Variants in MICAL2 observed in about 807,000 individuals in gnomAD.
The protein encoded by MICAL2 is microtubule associated monooxygenase, calponin and LIM domain containing 2, also known as [F-actin]-monooxygenase MICAL2.
MICAL2 carries 77 observed loss-of-function variants against 127.3 expected under a neutral mutation model. The ratio of observed to expected loss-of-function variants is 0.60; its 90% CI spans 0.50 to 0.73. The LOEUF is 0.73. Among genes scored for constraint, MICAL2 ranks in the 30% least tolerant of loss-of-function variants. The probability of loss-of-function intolerance (pLI) is 0.00; values close to 1 mark genes in which losing one functional copy is unlikely to be tolerated. For synonymous variants in MICAL2, 570 were observed against 551.1 expected (o/e 1.03, Z -0.48); for missense variants, 1,351 against 1,434.4 (o/e 0.94, Z 0.94).
chr11:12,160,069 C>T (rs1311710774), intron 2 of MICAL2, among the ~76,000 whole-genome samples: 1 of 151,820 alleles, frequency 6.6e-6, no homozygotes, highest in African/African-American at 2.4e-5. Flanking sequence ...GAGTGCTAGT[C>T]TCCCTTCAAG....
At position 12,160,277 on chromosome 11, in the gene MICAL2, C is replaced by G. The variant is rs1395546854; in HGVS notation, c.-77-1802C>G. On this transcript the variant is annotated intron_variant, in intron 2 of 27. Coordinates refer to ENST00000683283, the MANE Select transcript of MICAL2 (RefSeq NM_001282663.2). ...TCCTTTGCATGTGCTGTTCTTCCCC[C>G]TTCTCTTCCGGCTCCTCTCATTGCT... 3.9e-5 allele frequency among the ~76,000 whole-genome samples: 6 copies of G among 152,302 alleles called. No homozygotes were observed. In the South Asian group the frequency reaches 8.3e-4, roughly 21 times the overall value.
intron 22 of MICAL2, among the ~76,000 whole-genome samples, chr11:12,249,584 A>T (rs1437479408): frequency 6.6e-6 from 1 of 152,212 alleles, no homozygotes; most frequent in Non-Finnish European, 1.5e-5. Flanking sequence ...CTCCTCAGTG[A>T]GGATGTCCTT....
upstream of MICAL2, among the ~76,000 whole-genome samples, chr11:12,273,361 G>GCCA (rs1191445143): frequency 6.6e-6 from 1 of 152,184 alleles, no homozygotes; most frequent in East Asian, 1.9e-4. Flanking sequence ...GACTAATGCT[G>GCCA]CCACCACCAC....
At chr11:12,132,688 C>A in intron 1 of MICAL2, among the ~76,000 whole-genome samples, 1 of 152,338 alleles carries the variant, frequency 6.6e-6, no homozygotes, top group South Asian at 2.1e-4. Flanking sequence ...GCTTCTTGAT[C>A]TTCCCTATTC....
At chr11:12,223,730 G>A (rs1006261213) in intron 12 of MICAL2, among the ~76,000 whole-genome samples, 1 of 152,206 alleles carries the variant, frequency 6.6e-6, no homozygotes, top group Non-Finnish European at 1.5e-5. Context: ...GCTAGTGTGT[G>A]TCGAGAGCTT....
intron 29 of MICAL2, among the ~76,000 whole-genome samples, chr11:12,302,789 A>C (rs1353433357): frequency 6.6e-6 from 1 of 152,164 alleles, no homozygotes; most frequent in Non-Finnish European, 1.5e-5. Context: ...CAGCCTCCCA[A>C]GTTAGCAGGG....
intron 33 of MICAL2, chr11:12,354,746 C>A: frequency 6.3e-7 from 1 of 1,577,508 alleles, no homozygotes; most frequent in Non-Finnish European, 8.7e-7. Context: ...CCTCACAAAT[C>A]TATAGTATTC....
At position 12,340,991 on chromosome 11, in the gene MICAL2, T is replaced by C. The variant is rs1417080593; in HGVS notation, c.5516-8847T>C. 3.3e-5 allele frequency among the ~76,000 whole-genome samples: 5 copies of C among 152,182 alleles called. No individual in the cohort carries two copies. In the East Asian group the frequency reaches 7.7e-4, roughly 23 times the overall value. ...CTTGTCAAGACTGAATCAGGCCAGA[T>C]TCACAGCACAGCTTTCTGGATTATC... On this transcript the variant is annotated intron_variant, in intron 32 of 34. Transcript: ENST00000646065.
chr11:12,114,764 C>T (rs994127530), intron 1 of MICAL2, among the ~76,000 whole-genome samples: 1 of 152,172 alleles, frequency 6.6e-6, no homozygotes, highest in African/African-American at 2.4e-5. Flanking sequence ...TACGTGTGGA[C>T]GTTTCCTCAG....
intron 1 of MICAL2, among the ~76,000 whole-genome samples, chr11:12,128,597 T>A (rs1433552225): frequency 6.6e-6 from 1 of 152,154 alleles, no homozygotes; most frequent in East Asian, 1.9e-4. Flanking sequence ...CCAGGACAGA[T>A]CGGGGCAGTG....
rs140144802 is a variant in MICAL2 at position 12,130,513 on chromosome 11, A to C, written c.-148-7877A>C. The stretch of plus-strand genomic sequence containing the variant: ...AGTCAGCCCTTAATTCAGACTTGTT[A>C]AACTCCTTGGAGTTGTTCCTTAAGC... On this transcript the variant is annotated intron_variant, in intron 1 of 27. Transcript: ENST00000683283. 2.3e-3 allele frequency among the ~76,000 whole-genome samples: 350 copies of C among 152,310 alleles called. 4 individuals are homozygous for C. Among genetic ancestry groups the C allele is most frequent in the African/African-American group, 8.0e-3 (332 of 41,566 alleles).
intron 29 of MICAL2, among the ~76,000 whole-genome samples, chr11:12,316,600 CT>C (rs1421900060): frequency 2.6e-5 from 4 of 152,132 alleles, no homozygotes; most frequent in African/African-American, 9.6e-5. Context: ...AAATTCTCAT[CT>C]GCTAATTCCC....
chr11:12,203,460 T>C (rs1460941129), intron 3 of MICAL2, among the ~76,000 whole-genome samples: 1 of 152,182 alleles, frequency 6.6e-6, no homozygotes, highest in African/African-American at 2.4e-5. Context: ...TCCCAGTGGG[T>C]GTGAAGTGAT....
chr11:12,168,894 C>T (rs1855878338), intron 3 of MICAL2, among the ~76,000 whole-genome samples: 1 of 139,786 alleles, frequency 7.2e-6, no homozygotes, highest in Admixed American at 7.7e-5. Flanking sequence ...CGGCAGTGAG[C>T]TATGATTGCA....
At chr11:12,136,562 T>A (rs1851854713) in intron 1 of MICAL2, among the ~76,000 whole-genome samples, 1 of 152,022 alleles carries the variant, frequency 6.6e-6, no homozygotes, top group African/African-American at 2.4e-5. Flanking sequence ...CTGAATGGGG[T>A]CCTAGGTGAG....
At chr11:12,161,382 C>G (rs1362984567) in intron 2 of MICAL2, 1 of 152,140 alleles carries the variant, frequency 6.6e-6, no homozygotes, top group Non-Finnish European at 1.5e-5. Flanking sequence ...AGCACAGGCC[C>G]CCTTTGCACA....
intron 30 of MICAL2, among the ~76,000 whole-genome samples, chr11:12,321,170 G>A (rs536646068): frequency 5.9e-5 from 9 of 152,192 alleles, no homozygotes; most frequent in African/African-American, 1.4e-4. Context: ...AACAGAGCCC[G>A]CCATCACGTC....
intron 3 of MICAL2, among the ~76,000 whole-genome samples, chr11:12,185,966 A>G (rs1367427164): frequency 6.6e-6 from 1 of 152,254 alleles, no homozygotes; most frequent in African/African-American, 2.4e-5. Flanking sequence ...GGTGCTCAGC[A>G]AAGGAGTCAT....
chr11:12,259,249 T>C (rs1467947687), intron 25 of MICAL2, among the ~76,000 whole-genome samples: 1 of 152,258 alleles, frequency 6.6e-6, no homozygotes, highest in African/African-American at 2.4e-5. Flanking sequence ...AGGCTTTTTT[T>C]CTATGTGAAT....
Sources: allele counts gnomAD v4.1 joint callset (sites outside exome capture counted in the v4.1 genomes callset), GRCh38; gene constraint gnomAD v4.1.1; transcripts MANE v1.5; gene names NCBI Gene and HGNC (gene_info 2026-07-23, HGNC 2026-07-21).